The following SDCCAG8 variants were observed in gnomAD, a reference collection of about 807,000 sequenced individuals.
SDCCAG8 encodes serologically defined colon cancer antigen 8.
In SDCCAG8, 74 loss-of-function variants were observed where a neutral mutation model predicts 101.8. The ratio of observed to expected loss-of-function variants is 0.73; its 90% CI spans 0.60 to 0.88. SDCCAG8 has a LOEUF of 0.88. Ranked by LOEUF, SDCCAG8 falls within the 40% of genes least tolerant of loss-of-function variation. SDCCAG8 has a pLI of 0.00. For missense variants in SDCCAG8, 787 were observed against 822.6 expected (o/e 0.96, Z 0.53); for synonymous variants, 281 against 292.9 (o/e 0.96, Z 0.41).
At chr1:243,386,738 G>A (rs577761611) in intron 13 of SDCCAG8, among the ~76,000 whole-genome samples, 1 of 151,634 alleles carries the variant, frequency 6.6e-6, no homozygotes, top group African/African-American at 2.4e-5. Context: ...GGGTGACAGA[G>A]CGAGACTCCA....
chr1:243,454,849 G>T (rs2083621545), intron 16 of SDCCAG8, among the ~76,000 whole-genome samples: 2 of 152,126 alleles, frequency 1.3e-5, no homozygotes, highest in Admixed American at 1.3e-4. Flanking sequence ...ACTGTGGTCG[G>T]TGTCTGGGGT....
intron 16 of SDCCAG8, among the ~76,000 whole-genome samples, chr1:243,468,548 G>A (rs1660598612): frequency 6.6e-6 from 1 of 152,204 alleles, no homozygotes; most frequent in Non-Finnish European, 1.5e-5. Flanking sequence ...GCGGCCAGGT[G>A]CAATGGCTCA....
At chr1:243,378,965 T>G (rs1204998371) in intron 13 of SDCCAG8, 102 bp downstream of exon 13, 2 of 1,463,842 alleles carry the variant, frequency 1.4e-6, no homozygotes, top group Non-Finnish European at 1.9e-6. Context: ...GTCATTCAAT[T>G]CACACTTAGC....
intron 12 of SDCCAG8, among the ~76,000 whole-genome samples, chr1:243,360,615 A>G (rs1334574713): frequency 1.3e-5 from 2 of 152,052 alleles, no homozygotes; most frequent in Non-Finnish European, 2.9e-5. Context: ...GGAGGTCAGG[A>G]GTTCAAGACC....
intron 6 of SDCCAG8, among the ~76,000 whole-genome samples, chr1:243,299,314 T>G (rs1386461432): frequency 6.6e-6 from 1 of 152,246 alleles, no homozygotes; most frequent in Non-Finnish European, 1.5e-5. Context: ...CTTTTACTTT[T>G]AACTTTTAAC....
chr1:243,486,168 T>C (rs1396848493), intron 16 of SDCCAG8, among the ~76,000 whole-genome samples: 1 of 114,858 alleles, frequency 8.7e-6, no homozygotes, highest in African/African-American at 3.4e-5. Context: ...ACCATTGTAC[T>C]CCAGCCTGGG....
intron 16 of SDCCAG8, among the ~76,000 whole-genome samples, chr1:243,444,055 CA>C (rs2082728010): frequency 6.6e-6 from 1 of 152,110 alleles, no homozygotes; most frequent in Non-Finnish European, 1.5e-5. Context: ...TTCCCACTGA[CA>C]AATGACAAAT....
At chr1:243,337,657 T>A (rs1412748715) in intron 10 of SDCCAG8, among the ~76,000 whole-genome samples, 1 of 152,224 alleles carries the variant, frequency 6.6e-6, no homozygotes, top group Non-Finnish European at 1.5e-5. Context: ...AGTGAGATAA[T>A]GTTTAGAAAA....
In SDCCAG8 at chr1:243,256,250, T is replaced by C. The variant is rs749940364; in HGVS notation, c.67+10T>C. The C allele has an allele frequency of 3.7e-6, 6 of 1,613,544 alleles. No homozygotes were observed. The highest frequency in any genetic ancestry group is 5.1e-6 in the Non-Finnish European group (6 of 1,179,452). ...CAACGGAGTCTCCGGGGTGAGTTGC[T>C]CCAAACCTCTGTCCCTAGCCCCGAG... On this transcript the variant is annotated intron_variant, in intron 1 of 17. Transcript: ENST00000366541.
At chr1:243,318,108 T>C (rs2073422856) in intron 9 of SDCCAG8, 1 of 456,170 alleles carries the variant, frequency 2.2e-6, no homozygotes, top group East Asian at 7.0e-5. Flanking sequence ...TCAATCTAAA[T>C]GTTCATCACT....
chr1:243,284,440 G>A (rs766686845), intron 4 of SDCCAG8, among the ~76,000 whole-genome samples: 5 of 152,182 alleles, frequency 3.3e-5, no homozygotes, highest in Admixed American at 1.3e-4. Context: ...TGATGTGGTC[G>A]TTAGATGTGG....
chr1:243,327,328 T>A (rs1341247371), intron 9 of SDCCAG8, among the ~76,000 whole-genome samples: 3 of 144,216 alleles, frequency 2.1e-5, no homozygotes, highest in African/African-American at 2.6e-5. Flanking sequence ...ATTAAAATTA[T>A]AATTATAATT....
At chr1:243,411,246 C>G (rs945254767) in intron 13 of SDCCAG8, among the ~76,000 whole-genome samples, 2 of 151,976 alleles carry the variant, frequency 1.3e-5, no homozygotes, top group African/African-American at 4.8e-5. Flanking sequence ...CCTTGAGTAG[C>G]TGGCACTACA....
At chr1:243,325,234 A>C (rs936365743) in intron 9 of SDCCAG8, among the ~76,000 whole-genome samples, 1 of 152,208 alleles carries the variant, frequency 6.6e-6, no homozygotes, top group Non-Finnish European at 1.5e-5. Flanking sequence ...TAATTTTTTA[A>C]AAAATTTAAT....
chr1:243,469,255 A>G (rs1660749331), intron 16 of SDCCAG8, among the ~76,000 whole-genome samples: 1 of 151,632 alleles, frequency 6.6e-6, no homozygotes, highest in Non-Finnish European at 1.5e-5. Context: ...TATAGCATCC[A>G]TGGCATGCTT....
chr1:243,267,251 A>G, intron 1 of SDCCAG8: 1 of 195,648 alleles, frequency 5.1e-6, no homozygotes, highest in South Asian at 8.7e-5. Flanking sequence ...TTAAAAAAAA[A>G]AAAAAGAAAT....
chr1:243,444,328 A>C (rs1019536951), intron 16 of SDCCAG8, among the ~76,000 whole-genome samples: 26 of 149,680 alleles, frequency 1.7e-4, no homozygotes, highest in Admixed American at 1.6e-3. Context: ...GCTTAACTTT[A>C]TTTTAGTTCT....
At chr1:243,329,627 A>G (rs1183350327) in intron 9 of SDCCAG8, among the ~76,000 whole-genome samples, 1 of 152,210 alleles carries the variant, frequency 6.6e-6, no homozygotes, top group Non-Finnish European at 1.5e-5. Context: ...ATAAGACTAT[A>G]AGATACTATA....
chr1:243,409,851 G>A (rs1032184455), intron 13 of SDCCAG8, among the ~76,000 whole-genome samples: 4 of 152,100 alleles, frequency 2.6e-5, no homozygotes, highest in Non-Finnish European at 5.9e-5. Flanking sequence ...AAAAAATAGA[G>A]AAAGAATAAT....
Sources: gnomAD v4.1 joint callset for allele counts (sites outside exome capture counted in the v4.1 genomes callset) on GRCh38, gnomAD v4.1.1 for gene constraint, MANE v1.5 for transcripts, NCBI Gene and HGNC (gene_info 2026-07-23, HGNC 2026-07-21) for gene names.